The following IL1RAPL2 variants were observed in gnomAD, a reference collection of about 807,000 sequenced individuals.
IL1RAPL2 encodes the protein interleukin 1 receptor accessory protein like 2, also known as X-linked interleukin-1 receptor accessory protein-like 2.
IL1RAPL2 carries 3 observed loss-of-function variants against 44.1 expected under a neutral mutation model. The ratio of observed to expected loss-of-function variants is 0.07; its 90% CI spans 0.03 to 0.18. The LOEUF (loss-of-function observed/expected upper bound fraction) is 0.18. Among genes scored for constraint, IL1RAPL2 ranks in the 10% least tolerant of loss-of-function variants. IL1RAPL2 has a pLI of 1.00. For synonymous variants in IL1RAPL2, 181 were observed against 178.8 expected (o/e 1.01, Z -0.10); for missense variants, 391 against 496.4 (o/e 0.79, Z 2.02).
chrX:105,334,951 A>G (rs2035016855), intron 5 of IL1RAPL2, among the ~76,000 whole-genome samples: 1 of 111,425 alleles, frequency 9.0e-6, no homozygotes, highest in Non-Finnish European at 1.9e-5. Flanking sequence ...TTTTTTTTAA[A>G]GGAAAGTATT....
intron 6 of IL1RAPL2, among the ~76,000 whole-genome samples, chrX:105,571,185 A>T (rs2037012228): frequency 9.0e-6 from 1 of 111,430 alleles, no homozygotes; most frequent in African/African-American, 3.3e-5. Context: ...ACCCAGTAAG[A>T]AGAAGAGAAC....
chrX:105,314,655 A>T (rs1569422497), intron 5 of IL1RAPL2, among the ~76,000 whole-genome samples: 1 of 111,899 alleles, frequency 8.9e-6, no homozygotes, highest in African/African-American at 3.3e-5. Flanking sequence ...TGAAAAGGAA[A>T]CTAAGGGTGA....
chrX:105,740,708 C>T lies in IL1RAPL2; in HGVS notation c.1048+17C>T. 8.4e-7 allele frequency: 1 copy of T among 1,186,860 alleles called. No individual in the cohort carries two copies. The highest frequency in any genetic ancestry group is 1.1e-6 in the Non-Finnish European group (1 of 877,162). ...GTAAAAAGGGTATTTATTTTTATAA[C>T]TATAACTATGGTTTGCTTAGCTATC... On this transcript the variant is annotated intron_variant, in intron 8 of 10. Transcript: ENST00000372582.
chrX:105,236,551 T>C (rs1390221983), intron 4 of IL1RAPL2, among the ~76,000 whole-genome samples: 1 of 111,639 alleles, frequency 9.0e-6, no homozygotes, highest in Non-Finnish European at 1.9e-5. Context: ...ACAAGCTAAG[T>C]GGGTTAGCAA....
intron 5 of IL1RAPL2, among the ~76,000 whole-genome samples, chrX:105,407,197 G>T (rs1024865924): frequency 9.1e-6 from 1 of 109,898 alleles, no homozygotes; most frequent in Non-Finnish European, 1.9e-5. Context: ...TGTTCTGAGC[G>T]GTGCATAAGG....
rs1423673563 is a variant in IL1RAPL2, at chrX:105,319,695, C to T, written c.697+52154C>T. Among the ~76,000 whole-genome samples the T allele has an allele frequency of 2.7e-5, 3 of 111,763 alleles. No individual in the cohort carries two copies. In the East Asian group the frequency reaches 8.4e-4, roughly 31 times the overall value. The stretch of plus-strand genomic sequence containing the variant: ...TGCTGTTTAGTATTTGGTAATTTTA[C>T]TGCTGCTTGTACAACATACGCAAAT... On this transcript the variant is annotated intron_variant, in intron 5 of 10. Transcript: ENST00000372582.
chrX:105,667,415 G>C (rs185883159), intron 6 of IL1RAPL2, among the ~76,000 whole-genome samples: 1,650 of 112,127 alleles, frequency 0.015, 14 homozygotes, highest in Non-Finnish European at 0.024. Context: ...ATTGTGAACA[G>C]ACTCATTATA....
intron 7 of IL1RAPL2, among the ~76,000 whole-genome samples, chrX:105,733,807 C>A (rs2147569109): frequency 9.0e-6 from 1 of 111,423 alleles, no homozygotes; most frequent in South Asian, 3.7e-4. Context: ...TCTGCCATAT[C>A]TGAGTCTGGT....
chrX:105,703,073 A>G lies in IL1RAPL2; in HGVS notation c.773-14294A>G, dbSNP rs112379027. 6.8e-3 allele frequency among the ~76,000 whole-genome samples: 756 copies of G among 111,845 alleles called. 5 individuals are homozygous for G. Among genetic ancestry groups the G allele is most frequent in the African/African-American group, 0.023 (709 of 30,854 alleles). On this transcript the variant is annotated intron_variant, in intron 6 of 10. Transcript: ENST00000372582. Reference sequence around the variant, plus strand: ...GGAAATAATTCTGGAAAAGAAAGTTAAGATCAGGACCTGAAAATCCTCTAA... The same window carrying G: ...GGAAATAATTCTGGAAAAGAAAGTTGAGATCAGGACCTGAAAATCCTCTAA...
intron 4 of IL1RAPL2, among the ~76,000 whole-genome samples, chrX:105,263,841 G>GCAAAATT (rs2034380079): frequency 9.0e-6 from 1 of 111,350 alleles, no homozygotes. Context: ...TTTTCAAGTT[G>GCAAAATT]TTCAGGTTTA....
intron 2 of IL1RAPL2, among the ~76,000 whole-genome samples, chrX:105,100,036 T>TGA (rs759076002): frequency 2.1e-4 from 23 of 111,567 alleles, no homozygotes; most frequent in Middle Eastern, 9.2e-3. Context: ...TAAGATATTT[T>TGA]GAGAGAGAGA....
chrX:104,752,143 C>A (rs1248884190), intron 2 of IL1RAPL2, among the ~76,000 whole-genome samples: 1 of 110,067 alleles, frequency 9.1e-6, no homozygotes, highest in African/African-American at 3.3e-5. Context: ...GGGATGGGGG[C>A]AATTCTTGCT....
At chrX:105,315,894 G>A (rs765179416) in intron 5 of IL1RAPL2, among the ~76,000 whole-genome samples, 2 of 108,951 alleles carry the variant, frequency 1.8e-5, no homozygotes, top group South Asian at 4.1e-4. Flanking sequence ...ATTCCTTGTT[G>A]ACTATATGCT....
In IL1RAPL2 at chrX:104,761,876, C is replaced by T. The variant is rs1203661277; in HGVS notation, c.82+102881C>T. 6.5e-5 allele frequency among the ~76,000 whole-genome samples: 3 copies of T among 45,851 alleles called. No individual in the cohort carries two copies. In the East Asian group the frequency reaches 1.6e-3, roughly 24 times the overall value. The allele number at this position is 45,851 out of a possible 115,157, so 39.8% of individuals were successfully genotyped here. On this transcript the variant is annotated intron_variant, in intron 2 of 10. Coordinates refer to ENST00000372582, the MANE Select transcript of IL1RAPL2 (RefSeq NM_017416.2). ...CCTTCTCCTTCTCCTTCTCCTTCTC[C>T]TTCTCCTTCTCCTTCTCCTTCTCCT...
At chrX:105,401,988 T>C (rs2147735638) in intron 5 of IL1RAPL2, among the ~76,000 whole-genome samples, 1 of 110,555 alleles carries the variant, frequency 9.0e-6, no homozygotes, top group South Asian at 3.8e-4. Context: ...AATTGTCACT[T>C]TCCTAATCTG....
chrX:105,470,021 A>G lies in IL1RAPL2; in HGVS notation c.698-14292A>G, dbSNP rs919158064. ...TACACTAGACATAAAATAGAATGCTATGGTGACAAAATCCTTTAAAACACC... is the reference window on the plus strand; with the variant it reads ...TACACTAGACATAAAATAGAATGCTGTGGTGACAAAATCCTTTAAAACACC... On this transcript the variant is annotated intron_variant, in intron 5 of 10. Coordinates refer to ENST00000372582, the MANE Select transcript of IL1RAPL2 (RefSeq NM_017416.2). 2.7e-5 allele frequency among the ~76,000 whole-genome samples: 3 copies of G among 111,301 alleles called. No homozygotes were observed. The Admixed American group carries it at 2.9e-4, about 11-fold the overall frequency.
chrX:105,018,767 G>A (rs1282242873), intron 2 of IL1RAPL2, among the ~76,000 whole-genome samples: 4 of 111,422 alleles, frequency 3.6e-5, no homozygotes, highest in Non-Finnish European at 7.6e-5. Flanking sequence ...GGAAAAATAC[G>A]AAAGAAAGGA....
rs745850163 is a variant in IL1RAPL2, at chrX:105,679,026, CT to C, written c.773-38325del. ...AGGAATGGCTTGCAGAAAAGTTTCT[CT>C]TTTTTTTTTTTTTTTACTATCATGT... On this transcript the variant is annotated intron_variant, in intron 6 of 10. Coordinates refer to ENST00000372582, the MANE Select transcript of IL1RAPL2 (RefSeq NM_017416.2). Among the ~76,000 whole-genome samples the C allele has an allele frequency of 9.5e-3, 900 of 94,764 alleles. 13 individuals are homozygous for C. Among genetic ancestry groups the C allele is most frequent in the South Asian group, 0.027 (58 of 2,129 alleles). The allele number at this position is 94,764 out of a possible 115,157, so 82.3% of individuals were successfully genotyped here.
intron 5 of IL1RAPL2, among the ~76,000 whole-genome samples, chrX:105,341,095 C>G (rs1450728148): frequency 9.0e-6 from 1 of 111,690 alleles, no homozygotes; most frequent in Non-Finnish European, 1.9e-5. Flanking sequence ...CCAGGCACTT[C>G]AACACAGACT....
Sources: gnomAD v4.1 joint callset for allele counts (sites outside exome capture counted in the v4.1 genomes callset) on GRCh38, gnomAD v4.1.1 for gene constraint, MANE v1.5 for transcripts, NCBI Gene and HGNC (gene_info 2026-07-23, HGNC 2026-07-21) for gene names.